Variants in TRABD2B observed in about 807,000 individuals in gnomAD.
TRABD2B encodes the protein TraB domain containing 2B, also known as metalloprotease TIKI2.
TRABD2B carries 14 observed loss-of-function variants against 40.1 expected under a neutral mutation model. That is an observed-to-expected ratio of 0.35 (90% CI 0.23 to 0.55). The LOEUF (loss-of-function observed/expected upper bound fraction) is 0.55, where lower values mean the gene tolerates loss of function less well. Among genes scored for constraint, TRABD2B ranks in the 20% least tolerant of loss-of-function variants. The pLI is 0.90. For missense variants in TRABD2B, 541 were observed against 648.6 expected, an observed-to-expected ratio of 0.83 and a Z score of 1.80; for synonymous variants, 263 against 277.0, an observed-to-expected ratio of 0.95 and a Z score of 0.50.
rs538886248 is a variant in TRABD2B, at chr1:47,908,523, C to T, written c.666+85511G>A. ...GGGTTAGATAAATTCCATGGACGGA[C>T]CTGGTGCCTGGGACTACCCAGTCTG... is the stretch of plus-strand genomic sequence containing the variant. On this transcript the variant is annotated intron_variant, in intron 2 of 6. Coordinates refer to ENST00000606738, the MANE Select transcript of TRABD2B (RefSeq NM_001194986.2). Among the ~76,000 whole-genome samples, 7 of 152,286 alleles carry T rather than the reference C, an allele frequency of 4.6e-5. No individual in the cohort carries two copies. In the South Asian group the frequency reaches 1.2e-3, roughly 27 times the overall value.
intron 3 of TRABD2B, 21 bp downstream of exon 3, chr1:47,801,452 G>A (rs1203325412): frequency 2.0e-6 from 3 of 1,534,530 alleles, no homozygotes; most frequent in Non-Finnish European, 2.6e-6. Context: ...AGGTATCCAG[G>A]TCTTTGGAGA....
intron 2 of TRABD2B, among the ~76,000 whole-genome samples, chr1:47,852,456 C>T (rs967978192): frequency 6.6e-6 from 1 of 152,186 alleles, no homozygotes; most frequent in Non-Finnish European, 1.5e-5. Context: ...TGATGTGAGC[C>T]CGTTTCAGAG....
At chr1:47,857,915 C>G (rs1442185408) in intron 2 of TRABD2B, among the ~76,000 whole-genome samples, 1 of 113,430 alleles carries the variant, frequency 8.8e-6, no homozygotes, top group Admixed American at 1.3e-4. Flanking sequence ...TCCACAGTTT[C>G]ACTTTCCATG....
intron 2 of TRABD2B, among the ~76,000 whole-genome samples, chr1:47,973,254 A>G (rs1645706925): frequency 6.6e-6 from 1 of 152,218 alleles, no homozygotes; most frequent in Non-Finnish European, 1.5e-5. Context: ...CAGCCCCCGC[A>G]GCCAGGTCTC....
At chr1:47,771,944 T>C (rs2124012557) in intron 6 of TRABD2B, among the ~76,000 whole-genome samples, 1 of 152,176 alleles carries the variant, frequency 6.6e-6, no homozygotes, top group South Asian at 2.1e-4. Flanking sequence ...CTTCTCACAC[T>C]CGCTCCCAGC....
At chr1:47,952,100 T>C (rs1474562352) in intron 2 of TRABD2B, among the ~76,000 whole-genome samples, 2 of 152,182 alleles carry the variant, frequency 1.3e-5, no homozygotes, top group South Asian at 2.1e-4. Flanking sequence ...TCACTGCAGT[T>C]GGGAGAAGTA....
At chr1:47,908,905 G>C (rs773942524) in intron 2 of TRABD2B, among the ~76,000 whole-genome samples, 1 of 152,220 alleles carries the variant, frequency 6.6e-6, no homozygotes, top group East Asian at 1.9e-4. Context: ...AAGACATAGC[G>C]GACTTCCTTT....
intron 2 of TRABD2B, among the ~76,000 whole-genome samples, chr1:47,952,576 T>C (rs1286937993): frequency 6.6e-6 from 1 of 152,186 alleles, no homozygotes; most frequent in Non-Finnish European, 1.5e-5. Context: ...CCAGGACTCC[T>C]TCCCTGACAC....
chr1:47,806,327 C>T (rs2124315871), intron 2 of TRABD2B, among the ~76,000 whole-genome samples: 1 of 152,292 alleles, frequency 6.6e-6, no homozygotes, highest in East Asian at 1.9e-4. Flanking sequence ...GTGGTAAGTA[C>T]ACAGGCTTTA....
intron 2 of TRABD2B, among the ~76,000 whole-genome samples, chr1:47,850,817 T>C (rs1328158706): frequency 6.6e-6 from 1 of 152,236 alleles, no homozygotes; most frequent in Non-Finnish European, 1.5e-5. Context: ...CTGGGACCGA[T>C]TTCATGGAAG....
intron 2 of TRABD2B, among the ~76,000 whole-genome samples, chr1:47,827,435 G>A (rs1645191264): frequency 6.6e-6 from 1 of 152,182 alleles, no homozygotes; most frequent in South Asian, 2.1e-4. Context: ...CTGCATGCAG[G>A]GCCTTTAAAT....
chr1:47,930,686 C>G (rs1557663628), intron 2 of TRABD2B, among the ~76,000 whole-genome samples: 1 of 152,138 alleles, frequency 6.6e-6, no homozygotes, highest in African/African-American at 2.4e-5. Flanking sequence ...GATCCCTTAT[C>G]CCGAGAAAGA....
intron 2 of TRABD2B, among the ~76,000 whole-genome samples, chr1:47,844,287 T>C (rs764495248): frequency 4.6e-5 from 7 of 152,142 alleles, no homozygotes; most frequent in African/African-American, 1.2e-4. Flanking sequence ...GTCGTGTGTG[T>C]CCATGCCTGC....
chr1:47,958,681 C>A (rs1329729137), intron 2 of TRABD2B, among the ~76,000 whole-genome samples: 1 of 152,132 alleles, frequency 6.6e-6, no homozygotes, highest in Non-Finnish European at 1.5e-5. Context: ...TATATATGCA[C>A]CCAATACAGG....
intron 2 of TRABD2B, among the ~76,000 whole-genome samples, chr1:47,963,234 T>C (rs576669128): frequency 1.3e-5 from 2 of 152,356 alleles, no homozygotes; most frequent in South Asian, 2.1e-4. Context: ...ACTTGCAATA[T>C]GCATTCACTG....
intron 2 of TRABD2B, among the ~76,000 whole-genome samples, chr1:47,985,354 A>T (rs1162530711): frequency 6.6e-6 from 1 of 152,230 alleles, no homozygotes; most frequent in Non-Finnish European, 1.5e-5. Context: ...GAAGGAGCTT[A>T]ATGTCTCCTC....
At chr1:47,974,077 C>A (rs1025988364) in intron 2 of TRABD2B, among the ~76,000 whole-genome samples, 2 of 152,174 alleles carry the variant, frequency 1.3e-5, no homozygotes, top group African/African-American at 4.8e-5. Flanking sequence ...CCACTGCACT[C>A]TAGCCTAGGG....
Position 47,966,312 on chromosome 1 carries a change from C to G in TRABD2B, c.666+27722G>C, listed in dbSNP as rs1645602386. On this transcript the variant is annotated intron_variant, in intron 2 of 6. Transcript: ENST00000606738. ...CCACGCTTGTCAGTATTTATGGCCA[C>G]ACGGCTGGGCTCTTGACTTGCCCAG... Among the ~76,000 whole-genome samples the G allele has an allele frequency of 2.6e-5, 4 of 152,196 alleles. No individual in the cohort carries two copies. The South Asian group carries it at 8.3e-4, about 32-fold the overall frequency.
At chr1:47,962,217 G>A (rs1229360705) in intron 2 of TRABD2B, among the ~76,000 whole-genome samples, 1 of 151,186 alleles carries the variant, frequency 6.6e-6, no homozygotes, top group Non-Finnish European at 1.5e-5. Flanking sequence ...CTGTTGTGGG[G>A]TGGGGGGATG....
Sources: gnomAD v4.1 joint callset for allele counts (sites outside exome capture counted in the v4.1 genomes callset) on GRCh38, gnomAD v4.1.1 for gene constraint, MANE v1.5 for transcripts, NCBI Gene and HGNC (gene_info 2026-07-23, HGNC 2026-07-21) for gene names.